RUFY2: variants seen among roughly 807,000 people sequenced by gnomAD.
The protein encoded by RUFY2 is RUN and FYVE domain containing 2.
A neutral mutation model predicts 94.4 loss-of-function variants in RUFY2; 49 were observed. The observed-to-expected ratio is 0.52, with a 90% CI of 0.41 to 0.66. The LOEUF is 0.66. RUFY2 is among the 30% of genes least tolerant of loss of function. RUFY2 has a pLI of 0.00. For missense variants in RUFY2, 541 were observed against 692.8 expected (o/e 0.78, Z 2.46); for synonymous variants, 255 against 235.7 (o/e 1.08, Z -0.75).
intron 12 of RUFY2, 37 bp downstream of exon 12, chr10:68,379,387 A>G (rs774800008): frequency 2.1e-6 from 3 of 1,462,426 alleles, no homozygotes; most frequent in Admixed American, 2.1e-5. Context: ...AGGGAAGAAG[A>G]AAAGAAAAAA....
intron 11 of RUFY2, among the ~76,000 whole-genome samples, chr10:68,380,014 TAGTC>T (rs1449409045): frequency 1.3e-5 from 2 of 152,094 alleles, no homozygotes; most frequent in African/African-American, 4.8e-5. Context: ...TTCACTGTGT[TAGTC>T]AGGATGGTCT....
At position 68,345,445 on chromosome 10, in the gene RUFY2, T is replaced by C. The variant is rs1484065616; in HGVS notation, c.*323A>G. The stretch of plus-strand genomic sequence containing the variant: ...ACTGCAGGCACCATCAAATACCAAA[T>C]TGACAGAATTCAGAAGAAAAAAACA... On this transcript the variant is annotated 3_prime_UTR_variant, in exon 18 of 18. Transcript: ENST00000602465. 3 of 402,950 alleles carry C rather than the reference T, an allele frequency of 7.4e-6. No homozygotes were observed. The highest frequency in any genetic ancestry group is 6.3e-4 in the Middle Eastern group (1 of 1,600). 25.0% of individuals were successfully genotyped at this position (402,950 alleles called of 1,614,324 possible).
In RUFY2 at chr10:68,355,461, G is replaced by A; in HGVS notation, c.1551-60C>T. ...CACATATTTAAATATAGAACACTTA[G>A]TATTTCAGTAGGTATTGGTATTTCA... On this transcript the variant is annotated intron_variant, in intron 15 of 17. Coordinates refer to ENST00000602465, the MANE Select transcript of RUFY2 (RefSeq NM_001330103.2). 1.1e-5 allele frequency: 11 copies of A among 1,020,424 alleles called. No homozygotes were observed. The South Asian group carries it at 1.5e-4, about 14-fold the overall frequency. The allele number at this position is 1,020,424 out of a possible 1,614,324, so 63.2% of individuals were successfully genotyped here.
intron 15 of RUFY2, among the ~76,000 whole-genome samples, chr10:68,361,473 A>G (rs1395743406): frequency 2.6e-5 from 4 of 152,340 alleles, no homozygotes; most frequent in Non-Finnish European, 2.9e-5. Flanking sequence ...TAGAAGCTCA[A>G]TAAGTGTCTG....
Position 68,369,498 on chromosome 10 carries a change from A to C in RUFY2, c.1326-5385T>G, listed in dbSNP as rs113693672. ...AGACCTTGTCTCAAAAAAAAAAAAC[A>C]AAAAAAAAAACAAAAAAAAACCAGG... On this transcript the variant is annotated intron_variant, in intron 13 of 17. Coordinates refer to ENST00000602465, the MANE Select transcript of RUFY2 (RefSeq NM_001330103.2). 7.6e-3 allele frequency among the ~76,000 whole-genome samples: 8 copies of C among 1,050 alleles called. No homozygotes were observed. In the African/African-American group the frequency reaches 0.12, roughly 16 times the overall value. The allele number at this position is 1,050 out of a possible 152,430, so 0.7% of individuals were successfully genotyped here.
chr10:68,345,670 C>T lies in RUFY2; in HGVS notation c.*98G>A, dbSNP rs747407394. 9 of 1,110,130 alleles carry T rather than the reference C, an allele frequency of 8.1e-6. No homozygotes were observed. The highest frequency in any genetic ancestry group is 1.6e-5 in the South Asian group (1 of 62,696). The allele number at this position is 1,110,130 out of a possible 1,614,324, so 68.8% of individuals were successfully genotyped here. ...AGATAAACTGGTACCAAATACTGAC[C>T]GAAAGCCGCTTAAGGAGAGCTGTCT... On this transcript the variant is annotated 3_prime_UTR_variant, in exon 18 of 18. Coordinates refer to ENST00000602465, the MANE Select transcript of RUFY2 (RefSeq NM_001330103.2).
chr10:68,400,297 C>G (rs192926550), intron 3 of RUFY2, among the ~76,000 whole-genome samples: 162 of 151,962 alleles, frequency 1.1e-3, no homozygotes, highest in Middle Eastern at 3.4e-3. Flanking sequence ...GTCTGGGCAA[C>G]AGGGTGAGAC....
chr10:68,376,778 A>C, intron 13 of RUFY2, 75 bp downstream of exon 13: 1 of 1,366,148 alleles, frequency 7.3e-7, no homozygotes, highest in Non-Finnish European at 1.0e-6. Context: ...AAATATTGGT[A>C]TTCTATCATT....
intron 16 of RUFY2, among the ~76,000 whole-genome samples, chr10:68,351,727 C>T (rs1487171458): frequency 6.1e-5 from 9 of 148,554 alleles, no homozygotes; most frequent in Admixed American, 2.7e-4. Flanking sequence ...GGATTACAGG[C>T]GTGAGCCACT....
chr10:68,363,920 T>G, intron 14 of RUFY2, 64 bp downstream of exon 14: 2 of 1,280,176 alleles, frequency 1.6e-6, no homozygotes, highest in South Asian at 1.4e-5. Flanking sequence ...TAAATTATGA[T>G]TTATCTTTTT....
intron 13 of RUFY2, among the ~76,000 whole-genome samples, chr10:68,371,529 T>C (rs1378147623): frequency 1.3e-5 from 2 of 150,506 alleles, no homozygotes; most frequent in Admixed American, 6.6e-5. Context: ...GAGGCGGAGG[T>C]TGCAGAGAGC....
At chr10:68,359,085 G>T (rs2047252620) in intron 15 of RUFY2, among the ~76,000 whole-genome samples, 1 of 151,244 alleles carries the variant, frequency 6.6e-6, no homozygotes, top group South Asian at 2.1e-4. Flanking sequence ...TAATGTACAA[G>T]AATACCTTCT....
chr10:68,405,750 G>A, intron 1 of RUFY2: 1 of 970,298 alleles, frequency 1.0e-6, no homozygotes, highest in Non-Finnish European at 1.2e-6. Context: ...CTGTAGTTCT[G>A]TATTGCATGA....
chr10:68,401,793 T>G (rs1324480923), intron 2 of RUFY2, 56 bp from the exon 3 acceptor site: 10 of 960,414 alleles, frequency 1.0e-5, no homozygotes, highest in Non-Finnish European at 1.7e-5. Flanking sequence ...TGTAGTAACT[T>G]ATTTTTAAAT....
intron 16 of RUFY2, among the ~76,000 whole-genome samples, chr10:68,348,925 A>T (rs2046465060): frequency 6.6e-6 from 1 of 152,204 alleles, no homozygotes; most frequent in Non-Finnish European, 1.5e-5. Flanking sequence ...GCAAATAAAC[A>T]GCAATTTTTC....
chr10:68,403,136 G>C (rs1424807584), intron 2 of RUFY2, among the ~76,000 whole-genome samples: 2 of 147,376 alleles, frequency 1.4e-5, no homozygotes, highest in East Asian at 2.0e-4. Context: ...ATGAGCCATC[G>C]CACCCAGCCA....
chr10:68,382,672 C>A (rs1251206940), intron 10 of RUFY2, among the ~76,000 whole-genome samples: 1 of 149,406 alleles, frequency 6.7e-6, no homozygotes, highest in African/African-American at 2.5e-5. Flanking sequence ...CGAGATGGCG[C>A]CACTGCACTC....
At chr10:68,367,706 TTCTC>T (rs146176947) in intron 13 of RUFY2, among the ~76,000 whole-genome samples, 6,098 of 150,244 alleles carry the variant, frequency 0.041, 358 homozygotes, top group African/African-American at 0.14. Flanking sequence ...TTTTCTTTCT[TTCTC>T]TATCTCTCTC....
chr10:68,392,110 C>G (rs1366330699), intron 7 of RUFY2, among the ~76,000 whole-genome samples: 2 of 151,698 alleles, frequency 1.3e-5, no homozygotes, highest in African/African-American at 4.8e-5. Context: ...CGACTCACTG[C>G]AACCTCCACC....
Sources: gnomAD v4.1 joint callset for allele counts (sites outside exome capture counted in the v4.1 genomes callset) on GRCh38, gnomAD v4.1.1 for gene constraint, MANE v1.5 for transcripts, NCBI Gene and HGNC (gene_info 2026-07-23, HGNC 2026-07-21) for gene names.